Variants in ADISSP observed in about 807,000 individuals in gnomAD.
ADISSP encodes the protein adipose-secreted signaling protein.
At chr20:3,761,016 C>A in the ADISSP span, among the ~76,000 whole-genome samples, 2 of 152,178 alleles carry the variant, frequency 1.3e-5, no homozygotes, top group African/African-American at 4.8e-5. Context: ...CTCAAAAGCC[C>A]TCATTTGTCA....
chr20:3,758,626 T>G, the ADISSP span: 2 of 1,614,032 alleles, frequency 1.2e-6, no homozygotes, highest in Non-Finnish European at 1.7e-6. The surrounding 1 kb of genome is among the most constrained non-coding windows in gnomAD (Gnocchi z 5.5). Context: ...TGTGGGATCC[T>G]TCTGCATCGT....
chr20:3,753,858 A>G, the ADISSP span: 6 of 599,260 alleles, frequency 1.0e-5, no homozygotes, highest in Non-Finnish European at 1.8e-5. Flanking sequence ...GCACACAGAG[A>G]GGAGGAAGTG....
chr20:3,765,569 G>A, the ADISSP span, among the ~76,000 whole-genome samples: 2 of 152,208 alleles, frequency 1.3e-5, no homozygotes, highest in Middle Eastern at 3.2e-3. Context: ...CCAAAGGCCT[G>A]GTTTCTAAAG....
chr20:3,756,585 G>C, the ADISSP span, among the ~76,000 whole-genome samples: 49,220 of 152,016 alleles, frequency 0.32, 8,687 homozygotes, highest in African/African-American at 0.46. Context: ...CCATTCAATG[G>C]GACCAGGTTG....
chr20:3,755,638 C>T, the ADISSP span: 32 of 1,569,498 alleles, frequency 2.0e-5, no homozygotes, highest in Non-Finnish European at 2.7e-5. Context: ...GAGGGAGGCA[C>T]CTTCACTTCC....
At chr20:3,763,514 G>A in the ADISSP span, among the ~76,000 whole-genome samples, 825 of 141,470 alleles carry the variant, frequency 5.8e-3, 5 homozygotes, top group African/African-American at 0.02. Context: ...CCGAGATTGC[G>A]CCACTGCACT....
At chr20:3,766,452 G>GT in the ADISSP span, among the ~76,000 whole-genome samples, 1 of 151,934 alleles carries the variant, frequency 6.6e-6, no homozygotes, top group Admixed American at 6.6e-5. Context: ...GGTGCTGGGG[G>GT]TGGGGGTGGG....
chr20:3,753,950 C>T, the ADISSP span: 1 of 837,646 alleles, frequency 1.2e-6, no homozygotes, highest in Non-Finnish European at 1.9e-6. Flanking sequence ...ACTCCACCCC[C>T]ACACCCACCC....
the ADISSP span, chr20:3,753,925 G>A: frequency 3.0e-6 from 2 of 670,746 alleles, no homozygotes; most frequent in South Asian, 3.4e-5. Flanking sequence ...AGAGGTGAGA[G>A]GCGTGGGCAA....
At chr20:3,753,592 G>A in the ADISSP span, 1 of 181,694 alleles carries the variant, frequency 5.5e-6, no homozygotes. Context: ...CTGAGGGGTG[G>A]GGGCTGGGGA....
chr20:3,755,479 G>A, the ADISSP span: 28 of 1,611,220 alleles, frequency 1.7e-5, no homozygotes, highest in Non-Finnish European at 2.0e-5. Context: ...CTTCAGGGAC[G>A]GGCACCACGC....
At chr20:3,755,287 T>C in the ADISSP span, 1 of 597,594 alleles carries the variant, frequency 1.7e-6, no homozygotes, top group Non-Finnish European at 3.0e-6. Context: ...CATGGACTTC[T>C]GTTCAGGACA....
At chr20:3,758,733 C>T in the ADISSP span, 4 of 1,566,662 alleles carry the variant, frequency 2.6e-6, no homozygotes, top group Non-Finnish European at 3.5e-6. The surrounding 1 kb of genome is among the most constrained non-coding windows in gnomAD (Gnocchi z 5.5). Context: ...GGAAACTCCT[C>T]CCCCTTGTCC....
the ADISSP span, chr20:3,753,797 TCAGA>T: frequency 1.8e-6 from 1 of 541,128 alleles, no homozygotes; most frequent in Non-Finnish European, 3.3e-6. Context: ...TCTCCCTTCC[TCAGA>T]CAGCCTCCTT....
the ADISSP span, among the ~76,000 whole-genome samples, chr20:3,763,562 A>AT: frequency 6.6e-6 from 1 of 151,974 alleles, no homozygotes; most frequent in African/African-American, 2.4e-5. Flanking sequence ...CGTCTCAAAA[A>AT]AAAAAAAAAA....
At chr20:3,754,552 T>TC in the ADISSP span, 2 of 1,594,594 alleles carry the variant, frequency 1.3e-6, no homozygotes, top group Non-Finnish European at 1.7e-6. Flanking sequence ...GGTCAGCACC[T>TC]CCCCCAGCCT....
At chr20:3,756,527 C>T in the ADISSP span, among the ~76,000 whole-genome samples, 2 of 152,344 alleles carry the variant, frequency 1.3e-5, no homozygotes, top group South Asian at 2.1e-4. Context: ...TGGGGCTGGG[C>T]AGCCCCATCC....
chr20:3,753,850 A>C, the ADISSP span: 1 of 596,676 alleles, frequency 1.7e-6, no homozygotes, highest in Non-Finnish European at 3.0e-6. Context: ...AGACTGAGGC[A>C]CACAGAGAGG....
At chr20:3,758,751 ACCC>A in the ADISSP span, 14 of 1,423,916 alleles carry the variant, frequency 9.8e-6, no homozygotes, top group Non-Finnish European at 1.4e-5. This position sits in a 1 kb window ranked among gnomAD's most constrained non-coding sequence, Gnocchi z 5.5. Context: ...TCCCCTCGTC[ACCC>A]CCAAGACTGC....
Sources: allele counts gnomAD v4.1 joint callset (sites outside exome capture counted in the v4.1 genomes callset), GRCh38; gene constraint gnomAD v4.1.1; non-coding constraint Gnocchi (gnomAD v3.1); transcripts MANE v1.5; gene names NCBI Gene and HGNC (gene_info 2026-07-23, HGNC 2026-07-21).